RASGRF2: variants seen among roughly 807,000 people sequenced by gnomAD.
RASGRF2 encodes the protein ras-specific guanine nucleotide-releasing factor 2.
Under a neutral mutation model 151.0 loss-of-function variants are expected in RASGRF2, and 76 were observed. That is an observed-to-expected ratio of 0.50 (90% CI 0.42 to 0.61). RASGRF2 has a LOEUF of 0.61. RASGRF2 is among the 20% of genes least tolerant of loss of function. The probability of loss-of-function intolerance (pLI) is 0.00; values close to 1 mark genes in which losing one functional copy is unlikely to be tolerated. For synonymous variants in RASGRF2, 504 were observed against 566.5 expected (o/e 0.89, Z 1.57); for missense variants, 1,148 against 1,564.6 (o/e 0.73, Z 4.49).
chr5:81,120,477 G>A (rs1445264815), intron 15 of RASGRF2, among the ~76,000 whole-genome samples: 3 of 152,188 alleles, frequency 2.0e-5, no homozygotes, highest in Non-Finnish European at 4.4e-5. Flanking sequence ...CAGTTACTCA[G>A]GAGGCTGAAG....
chr5:81,140,945 C>G (rs1284723778), intron 17 of RASGRF2, among the ~76,000 whole-genome samples: 1 of 151,712 alleles, frequency 6.6e-6, no homozygotes, highest in East Asian at 1.9e-4. Context: ...CAGATTGTTG[C>G]CATGAGGGGC....
At chr5:81,210,832 C>T (rs1417023881) in intron 22 of RASGRF2, among the ~76,000 whole-genome samples, 1 of 152,176 alleles carries the variant, frequency 6.6e-6, no homozygotes, top group Non-Finnish European at 1.5e-5. Context: ...TCCCCTTGCT[C>T]TCATACTTAG....
chr5:80,969,958 C>T (rs576821480), intron 1 of RASGRF2, among the ~76,000 whole-genome samples: 1 of 151,454 alleles, frequency 6.6e-6, no homozygotes, highest in South Asian at 2.1e-4. Flanking sequence ...TCTCGAGTAG[C>T]TGGGATTACA....
At chr5:80,977,808 G>A (rs1367782026) in intron 1 of RASGRF2, among the ~76,000 whole-genome samples, 1 of 152,142 alleles carries the variant, frequency 6.6e-6, no homozygotes, top group African/African-American at 2.4e-5. Context: ...TTAAGTGAGG[G>A]CAATTTAAAG....
intron 1 of RASGRF2, among the ~76,000 whole-genome samples, chr5:80,973,752 G>C (rs1339905955): frequency 6.6e-6 from 1 of 152,200 alleles, no homozygotes; most frequent in African/African-American, 2.4e-5. Flanking sequence ...AAGAAGTGAT[G>C]ATCCCTTTTT....
chr5:81,127,005 G>C, intron 16 of RASGRF2, 69 bp from the exon 17 acceptor site: 1 of 1,529,798 alleles, frequency 6.5e-7, no homozygotes, highest in East Asian at 2.3e-5. Flanking sequence ...GAAGAAAAAT[G>C]ATGATTTTTG....
chr5:81,178,221 A>C (rs1324790508), intron 17 of RASGRF2, among the ~76,000 whole-genome samples: 1 of 152,210 alleles, frequency 6.6e-6, no homozygotes, highest in Non-Finnish European at 1.5e-5. Flanking sequence ...AGATGGGAAG[A>C]CATGGGACAG....
chr5:81,003,515 G>T (rs111796768), intron 1 of RASGRF2, among the ~76,000 whole-genome samples: 2 of 151,976 alleles, frequency 1.3e-5, no homozygotes, highest in African/African-American at 4.8e-5. Flanking sequence ...GAGCCACTGC[G>T]CCCGGCATGC....
At chr5:81,214,119 T>C (rs2112738107) in intron 23 of RASGRF2, among the ~76,000 whole-genome samples, 1 of 152,340 alleles carries the variant, frequency 6.6e-6, no homozygotes, top group Middle Eastern at 3.4e-3. Flanking sequence ...GCCCACTCCG[T>C]AGTTAAGTGA....
intron 17 of RASGRF2, among the ~76,000 whole-genome samples, chr5:81,134,079 C>CGTGTGTGTGTGTGT (rs139770057): frequency 7.9e-4 from 113 of 143,812 alleles, no homozygotes; most frequent in East Asian, 5.2e-3. Context: ...TGCTTGTGTG[C>CGTGTGTGTGTGTGT]GTGTGTGTGT....
intron 17 of RASGRF2, among the ~76,000 whole-genome samples, chr5:81,164,763 G>C (rs1314412250): frequency 6.6e-6 from 1 of 152,210 alleles, no homozygotes; most frequent in Non-Finnish European, 1.5e-5. Context: ...GTATTGGCCT[G>C]ATCAGCAAAG....
At chr5:81,054,200 C>T (rs1251488762) in intron 2 of RASGRF2, among the ~76,000 whole-genome samples, 14 of 152,244 alleles carry the variant, frequency 9.2e-5, no homozygotes, top group Admixed American at 3.3e-4. Context: ...AGTCGTTGCC[C>T]GTGCCTGTGT....
intron 1 of RASGRF2, among the ~76,000 whole-genome samples, chr5:81,020,493 T>G (rs921097594): frequency 5.3e-5 from 8 of 152,228 alleles, no homozygotes; most frequent in African/African-American, 1.9e-4. Flanking sequence ...GATGATCATT[T>G]ATTCACCCAA....
intron 17 of RASGRF2, among the ~76,000 whole-genome samples, chr5:81,155,072 G>A (rs976277421): frequency 1.3e-5 from 2 of 152,010 alleles, no homozygotes; most frequent in South Asian, 2.1e-4. Context: ...GGCCATTTGT[G>A]TGTCTTCTTA....
rs531784694 is a variant in RASGRF2, at chr5:80,996,317, C to T, written c.288+35291C>T. The stretch of plus-strand genomic sequence containing the variant: ...TAAGTTATTTTGCTATTCTCTCTCT[C>T]TCTCTGTGTGTGTGATAATTTATAC... On this transcript the variant is annotated intron_variant, in intron 1 of 26. Coordinates refer to ENST00000265080, the MANE Select transcript of RASGRF2 (RefSeq NM_006909.3). Among the ~76,000 whole-genome samples, 4 of 152,102 alleles carry T rather than the reference C, an allele frequency of 2.6e-5. No homozygotes were observed. In the South Asian group the frequency reaches 6.2e-4, roughly 24 times the overall value.
At chr5:81,204,592 T>A (rs1428816448) in intron 19 of RASGRF2, among the ~76,000 whole-genome samples, 1 of 152,180 alleles carries the variant, frequency 6.6e-6, no homozygotes, top group East Asian at 1.9e-4. Context: ...TACTCAAAAC[T>A]TATATTTCTA....
chr5:81,203,791 G>A (rs1262418566), intron 19 of RASGRF2, among the ~76,000 whole-genome samples: 3 of 152,214 alleles, frequency 2.0e-5, no homozygotes, highest in African/African-American at 7.2e-5. Context: ...GTGTAAGGAG[G>A]TTAACACAAT....
intron 18 of RASGRF2, among the ~76,000 whole-genome samples, chr5:81,193,397 G>A (rs369359695): frequency 1.1e-4 from 17 of 152,290 alleles, no homozygotes; most frequent in East Asian, 9.6e-4. Context: ...CCAGATCCCC[G>A]TCTCAAATGG....
intron 7 of RASGRF2, among the ~76,000 whole-genome samples, chr5:81,084,309 A>G (rs1483583720): frequency 6.6e-6 from 1 of 152,220 alleles, no homozygotes; most frequent in Admixed American, 6.5e-5. Flanking sequence ...ATTACTAATT[A>G]GAGGCAAACT....
Sources: gnomAD v4.1 joint callset for allele counts (sites outside exome capture counted in the v4.1 genomes callset) on GRCh38, gnomAD v4.1.1 for gene constraint, MANE v1.5 for transcripts, NCBI Gene and HGNC (gene_info 2026-07-23, HGNC 2026-07-21) for gene names.